The following CELF2 variants were observed in gnomAD, a reference collection of about 807,000 sequenced individuals.
CELF2 encodes CUGBP Elav-like family member 2, also known as CUG triplet repeat RNA-binding protein 2.
In CELF2, 8 loss-of-function variants were observed where a neutral mutation model predicts 62.6. The observed-to-expected ratio is 0.13, with a 90% confidence interval of 0.07 to 0.23. CELF2 has a LOEUF of 0.23. CELF2 is among the 10% of genes least tolerant of loss of function. CELF2 has a pLI of 1.00. For missense variants in CELF2, 333 were observed against 671.0 expected (o/e 0.50, Z 5.56); for synonymous variants, 258 against 250.0 (o/e 1.03, Z -0.30).
the CELF2 span, among the ~76,000 whole-genome samples, chr10:10,663,632 A>G: frequency 6.6e-6 from 1 of 152,242 alleles, no homozygotes; most frequent in Non-Finnish European, 1.5e-5. Context: ...GCTGGAAAAT[A>G]CAGGGTAAGA....
chr10:11,172,053 G>A (rs1024702239), intron 2 of CELF2, among the ~76,000 whole-genome samples: 4 of 152,180 alleles, frequency 2.6e-5, no homozygotes, highest in Non-Finnish European at 5.9e-5. Context: ...AATTCAAACT[G>A]CAGGAAGATG....
At chr10:10,723,908 GT>G in the CELF2 span, among the ~76,000 whole-genome samples, 7 of 151,772 alleles carry the variant, frequency 4.6e-5, no homozygotes, top group East Asian at 1.9e-4. Context: ...GAAGACTAAG[GT>G]TTTTTTTAAA....
intron 2 of CELF2, among the ~76,000 whole-genome samples, chr10:10,944,936 T>C (rs1483024310): frequency 6.6e-6 from 1 of 151,978 alleles, no homozygotes; most frequent in Non-Finnish European, 1.5e-5. Flanking sequence ...AACTTACTCA[T>C]CTAAATGCAT....
chr10:11,146,393 A>G (rs2062282348), intron 1 of CELF2, among the ~76,000 whole-genome samples: 1 of 152,254 alleles, frequency 6.6e-6, no homozygotes, highest in Non-Finnish European at 1.5e-5. Flanking sequence ...TAAAAAATGG[A>G]TAAGATAATG....
the CELF2 span, among the ~76,000 whole-genome samples, chr10:10,710,511 C>T: frequency 2.6e-5 from 4 of 152,062 alleles, no homozygotes; most frequent in Admixed American, 6.5e-5. Flanking sequence ...ATAAGCATAA[C>T]GAAGTACAGC....
intron 1 of CELF2, among the ~76,000 whole-genome samples, chr10:11,125,910 T>A (rs1291493979): frequency 6.6e-6 from 1 of 152,208 alleles, no homozygotes; most frequent in Non-Finnish European, 1.5e-5. Flanking sequence ...AGCTTTTGGG[T>A]TTGTGTGGCT....
At chr10:10,905,067 C>A (rs1281009718) in intron 1 of CELF2, among the ~76,000 whole-genome samples, 1 of 152,168 alleles carries the variant, frequency 6.6e-6, no homozygotes, top group Non-Finnish European at 1.5e-5. Flanking sequence ...TGGGTTCAAA[C>A]TGATTTGACT....
At chr10:10,639,225 T>C in the CELF2 span, among the ~76,000 whole-genome samples, 1 of 152,244 alleles carries the variant, frequency 6.6e-6, no homozygotes, top group Non-Finnish European at 1.5e-5. Context: ...ACCCTAAGTG[T>C]CTTGAGTATT....
rs182569377 is a variant in CELF2 at position 11,251,039 on chromosome 10, G to T, written c.403+1838G>T. Reference sequence around the variant, plus strand: ...ACTCTTGTATTTTGGGATGAATCCTGTTGGTACAAGTCATCTCAGAGTGTG... The same window carrying T: ...ACTCTTGTATTTTGGGATGAATCCTTTTGGTACAAGTCATCTCAGAGTGTG... On this transcript the variant is annotated intron_variant, in intron 4 of 12. Transcript: ENST00000633077. Among the ~76,000 whole-genome samples, 397 of 152,246 alleles carry T rather than the reference G, an allele frequency of 2.6e-3. 1 individual carries two copies. The highest frequency in any genetic ancestry group is 9.1e-3 in the African/African-American group (377 of 41,542).
At chr10:10,714,438 G>C in the CELF2 span, among the ~76,000 whole-genome samples, 2 of 152,134 alleles carry the variant, frequency 1.3e-5, no homozygotes, top group Non-Finnish European at 2.9e-5. Flanking sequence ...GAATTAGGGA[G>C]CTCTGCCGGC....
chr10:10,811,484 G>A (rs2055884583), intron 1 of CELF2, among the ~76,000 whole-genome samples: 2 of 152,136 alleles, frequency 1.3e-5, no homozygotes, highest in African/African-American at 4.8e-5. Flanking sequence ...AGAGATGGGG[G>A]GAGAGGGGCC....
At chr10:10,604,871 A>T in the CELF2 span, among the ~76,000 whole-genome samples, 3 of 152,226 alleles carry the variant, frequency 2.0e-5, no homozygotes. Flanking sequence ...CTTCTTAAAA[A>T]TAGTTACAAA....
At chr10:10,628,570 TGACTATAA>T in the CELF2 span, among the ~76,000 whole-genome samples, 3 of 152,202 alleles carry the variant, frequency 2.0e-5, no homozygotes, top group Non-Finnish European at 4.4e-5. Flanking sequence ...CTTATGTGTC[TGACTATAA>T]GACTTTCCTG....
the CELF2 span, among the ~76,000 whole-genome samples, chr10:10,721,430 G>C: frequency 6.6e-6 from 1 of 152,166 alleles, no homozygotes; most frequent in Non-Finnish European, 1.5e-5. Flanking sequence ...TTGGTAAAAC[G>C]CAAAGCTACT....
the CELF2 span, among the ~76,000 whole-genome samples, chr10:10,762,458 G>A: frequency 2.6e-5 from 4 of 152,156 alleles, no homozygotes; most frequent in African/African-American, 4.8e-5. Context: ...TGAGAATTTC[G>A]TGCAAGAGGG....
chr10:11,181,927 G>A (rs994164419), intron 2 of CELF2, among the ~76,000 whole-genome samples: 4 of 152,270 alleles, frequency 2.6e-5, no homozygotes, highest in East Asian at 1.9e-4. Context: ...GGAACACCCC[G>A]TTGCATTCCT....
the CELF2 span, among the ~76,000 whole-genome samples, chr10:10,686,294 G>A: frequency 1.5e-5 from 1 of 66,458 alleles, no homozygotes; most frequent in Admixed American, 2.8e-4. Context: ...CTGTGGATTT[G>A]GGTTTTTGGA....
chr10:10,912,197 C>T (rs1337460539), intron 1 of CELF2, among the ~76,000 whole-genome samples: 1 of 152,204 alleles, frequency 6.6e-6, no homozygotes, highest in African/African-American at 2.4e-5. Flanking sequence ...CACAGAGTCA[C>T]CGCATCAGAG....
At chr10:10,785,506 A>C in the CELF2 span, among the ~76,000 whole-genome samples, 2 of 152,068 alleles carry the variant, frequency 1.3e-5, no homozygotes, top group Non-Finnish European at 1.5e-5. Flanking sequence ...GATTTTTAAA[A>C]TGTGATATAT....
Sources: gnomAD v4.1 joint callset for allele counts (sites outside exome capture counted in the v4.1 genomes callset) on GRCh38, gnomAD v4.1.1 for gene constraint, MANE v1.5 for transcripts, NCBI Gene and HGNC (gene_info 2026-07-23, HGNC 2026-07-21) for gene names.